SLCO1A2: variants seen among roughly 807,000 people sequenced by gnomAD.
SLCO1A2 encodes solute carrier organic anion transporter family member 1A2.
A neutral mutation model predicts 69.0 loss-of-function variants in SLCO1A2; 67 were observed. The ratio of observed to expected loss-of-function variants is 0.97; its 90% CI spans 0.80 to 1.19. The LOEUF is 1.19. SLCO1A2 is among the 50% of genes most tolerant of loss of function. The pLI is 0.00. For synonymous variants in SLCO1A2, 260 were observed against 265.9 expected, an observed-to-expected ratio of 0.98 and a Z score of 0.22; for missense variants, 787 against 793.7, an observed-to-expected ratio of 0.99 and a Z score of 0.10.
intron 2 of SLCO1A2, chr12:21,373,436 G>C (rs770919028): frequency 6.2e-7 from 1 of 1,602,982 alleles, no homozygotes; most frequent in Admixed American, 1.7e-5. Flanking sequence ...TGAAAGGTTG[G>C]TAACTTTAAA....
chr12:21,289,371 A>G (rs779234412), intron 12 of SLCO1A2, among the ~76,000 whole-genome samples: 4 of 152,138 alleles, frequency 2.6e-5, no homozygotes, highest in Non-Finnish European at 4.4e-5. Flanking sequence ...ACCTGAGTCT[A>G]TAGTAATGAG....
intron 2 of SLCO1A2, among the ~76,000 whole-genome samples, chr12:21,321,381 T>C (rs944889821): frequency 2.0e-5 from 3 of 152,194 alleles, no homozygotes; most frequent in Non-Finnish European, 4.4e-5. Flanking sequence ...CTCAGACAAT[T>C]GAAATCCTGT....
chr12:21,415,294 C>G (rs535947513), intron 1 of SLCO1A2, among the ~76,000 whole-genome samples: 1 of 152,212 alleles, frequency 6.6e-6, no homozygotes, highest in Non-Finnish European at 1.5e-5. Context: ...TCTAGACTTT[C>G]AACTTTGCAT....
intron 7 of SLCO1A2, 103 bp downstream of exon 7, chr12:21,301,068 T>C: frequency 1.7e-6 from 1 of 584,730 alleles, no homozygotes; most frequent in South Asian, 3.5e-5. Flanking sequence ...GTAGAGATCA[T>C]TTATCAAATT....
intron 3 of SLCO1A2, among the ~76,000 whole-genome samples, chr12:21,316,285 A>C (rs1376125681): frequency 6.6e-6 from 1 of 152,156 alleles, no homozygotes; most frequent in Non-Finnish European, 1.5e-5. Flanking sequence ...TATGTATTTT[A>C]AGCCTCTCTC....
At chr12:21,328,249 A>G (rs1952387118) in intron 2 of SLCO1A2, among the ~76,000 whole-genome samples, 1 of 152,166 alleles carries the variant, frequency 6.6e-6, no homozygotes, top group African/African-American at 2.4e-5. Flanking sequence ...TTTGAAATAG[A>G]TACAAAACAG....
intron 2 of SLCO1A2, among the ~76,000 whole-genome samples, chr12:21,368,103 A>C (rs1939521895): frequency 6.6e-6 from 1 of 152,170 alleles, no homozygotes; most frequent in African/African-American, 2.4e-5. Context: ...CTTGCCTGCT[A>C]TCTGAACCCA....
intron 3 of SLCO1A2, among the ~76,000 whole-genome samples, 163 bp from the exon 4 acceptor site, chr12:21,314,844 C>A (rs1436343941): frequency 6.6e-6 from 1 of 152,130 alleles, no homozygotes; most frequent in African/African-American, 2.4e-5. Context: ...ATAACACAAT[C>A]CCTGCCCCGA....
At chr12:21,305,049 G>A (rs553043148) in intron 5 of SLCO1A2, among the ~76,000 whole-genome samples, 16 of 152,206 alleles carry the variant, frequency 1.1e-4, no homozygotes, top group South Asian at 4.1e-4. Context: ...ACAAAAGTTC[G>A]CTAAAGTGTG....
At chr12:21,304,300 G>A (rs1949079858) in intron 6 of SLCO1A2, 127 bp downstream of exon 6, 4 of 697,054 alleles carry the variant, frequency 5.7e-6, no homozygotes, top group Non-Finnish European at 9.5e-6. Flanking sequence ...TTTTATGGAA[G>A]GCCAACTGTG....
At position 21,300,498 on chromosome 12, in the gene SLCO1A2, C is replaced by A; in HGVS notation, c.760G>T (p.Gly254Ter). 6.2e-7 allele frequency: 1 copy of A among 1,613,452 alleles called. No homozygotes were observed. Among genetic ancestry groups the A allele is most frequent in the Non-Finnish European group, 8.5e-7 (1 of 1,179,716 alleles). ...AWWFGFLICAGVNVLTAIPFF... is the reference protein window; with the variant it reads ...AWWFGFLICA ...GGAATGGCAGTGAGCACGTTAACTC[C>A]TGCACAAATCAGAAAGCCAAACCAC... Residue 254 changes from glycine to a stop codon, truncating the protein, a stop_gained, in exon 8 of 15, where the codon GGA becomes TGA. Coordinates refer to ENST00000683939, the MANE Select transcript of SLCO1A2 (RefSeq NM_001386879.1). LOFTEE classifies it high-confidence loss of function.
chr12:21,289,855 A>G (rs1168172545), intron 12 of SLCO1A2, among the ~76,000 whole-genome samples: 2 of 152,112 alleles, frequency 1.3e-5, no homozygotes, highest in African/African-American at 4.8e-5. Context: ...AACTTTTGCC[A>G]TCTGATGCAA....
At chr12:21,393,415 T>C (rs933288197) in intron 1 of SLCO1A2, among the ~76,000 whole-genome samples, 3 of 152,298 alleles carry the variant, frequency 2.0e-5, no homozygotes, top group Admixed American at 2.0e-4. Flanking sequence ...AGATGCATAA[T>C]AAGAAACAAC....
intron 4 of SLCO1A2, 148 bp downstream of exon 4, chr12:21,314,401 A>C (rs187005155): frequency 1.2e-6 from 1 of 833,592 alleles, no homozygotes; most frequent in Admixed American, 2.4e-5. Context: ...AGAGCACCAA[A>C]TAGACAGATG....
chr12:21,390,259 ACTT>A (rs1003417211), intron 1 of SLCO1A2, among the ~76,000 whole-genome samples: 187 of 152,184 alleles, frequency 1.2e-3, no homozygotes, highest in Non-Finnish European at 2.4e-3. Context: ...ATATGGCCAA[ACTT>A]AAATAAACTT....
Position 21,369,041 on chromosome 12 carries a change from G to T in SLCO1A2, c.-63+5358C>A, listed in dbSNP as rs957517488. ...TGTGTGGAGAGCAAAATTTATGGGT[G>T]GGCAGAATTAAGGCAAGGAACTACT... is the stretch of plus-strand genomic sequence containing the variant. On this transcript the variant is annotated intron_variant, in intron 2 of 15. Transcript: ENST00000307378. Among the ~76,000 whole-genome samples the T allele has an allele frequency of 3.3e-5, 5 of 152,112 alleles. No homozygotes were observed. In the East Asian group the frequency reaches 5.8e-4, roughly 18 times the overall value.
rs1350968144 is a variant in SLCO1A2 at position 21,334,605 on chromosome 12, A to T, written c.43T>A (p.Cys15Ser). 1.9e-5 allele frequency: 31 copies of T among 1,610,180 alleles called. No homozygotes were observed. Among genetic ancestry groups the T allele is most frequent in the Non-Finnish European group, 2.5e-5 (30 of 1,177,690 alleles). ...TTCCATACCTTCAACTTGGAAAGAC[A>T]TCTTATTCTATGGGTTTCAATTCTT... ...EKRIETHRIRCLSKLKMFLLA... is the reference protein window; with the variant it reads ...EKRIETHRIRSLSKLKMFLLA... Residue 15 changes from cysteine to serine, a missense_variant, in exon 2 of 15, where the codon TGT becomes AGT. By Grantham distance (112) the Cys-to-Ser change is moderately radical. Coordinates refer to ENST00000683939, the MANE Select transcript of SLCO1A2 (RefSeq NM_001386879.1).
At position 21,374,773 on chromosome 12, in the gene SLCO1A2, C is replaced by A. The variant is rs1201922640; in HGVS notation, c.-189-248G>T. Among the ~76,000 whole-genome samples the A allele has an allele frequency of 2.6e-5, 4 of 151,910 alleles. No individual in the cohort carries two copies. In the East Asian group the frequency reaches 5.8e-4, roughly 22 times the overall value. The stretch of plus-strand genomic sequence containing the variant: ...TTCTTTCAATAGATATAGAAATTTA[C>A]TAAGCACTTTTACCCTCTCTTTTTT... On this transcript the variant is annotated intron_variant, in intron 1 of 15. Transcript: ENST00000307378.
At chr12:21,352,615 T>C (rs1565512160) in intron 2 of SLCO1A2, among the ~76,000 whole-genome samples, 1 of 152,200 alleles carries the variant, frequency 6.6e-6, no homozygotes, top group Non-Finnish European at 1.5e-5. Context: ...CTGTTGTTTA[T>C]AGACAAAACT....
Sources: allele counts gnomAD v4.1 joint callset (sites outside exome capture counted in the v4.1 genomes callset), GRCh38; gene constraint gnomAD v4.1.1; transcripts MANE v1.5; gene names NCBI Gene and HGNC (gene_info 2026-07-23, HGNC 2026-07-21).